Variants in B3GALT5 observed in about 807,000 individuals in gnomAD.
B3GALT5 encodes beta-1,3-galactosyltransferase 5.
For synonymous variants in B3GALT5, 156 were observed against 158.6 expected (o/e 0.98, Z 0.12); for missense variants, 328 against 396.6 (o/e 0.83, Z 1.47).
chr21:39,629,567 T>C (rs914487698), intron 1 of B3GALT5, among the ~76,000 whole-genome samples: 3 of 152,216 alleles, frequency 2.0e-5, no homozygotes, highest in Admixed American at 6.5e-5. Flanking sequence ...GAATTTGTTT[T>C]CTAAATTCTT....
At chr21:39,645,829 A>T (rs2079332897) in intron 1 of B3GALT5, among the ~76,000 whole-genome samples, 1 of 152,068 alleles carries the variant, frequency 6.6e-6, no homozygotes, top group African/African-American at 2.4e-5. Flanking sequence ...CCTGTTAGCC[A>T]AACTGTCCCG....
chr21:39,630,348 A>C (rs1443347286), intron 1 of B3GALT5: 2 of 152,134 alleles, frequency 1.3e-5, no homozygotes, highest in Non-Finnish European at 2.9e-5. Context: ...CAGATTCTGC[A>C]AGAAACCCAA....
chr21:39,636,710 A>C (rs1488490721), intron 1 of B3GALT5, among the ~76,000 whole-genome samples: 2 of 152,026 alleles, frequency 1.3e-5, no homozygotes, highest in Admixed American at 6.6e-5. Flanking sequence ...GGATCCTGGG[A>C]CTGGAAAGGA....
chr21:39,648,627 A>T (rs188926163), intron 2 of B3GALT5, among the ~76,000 whole-genome samples: 1 of 152,050 alleles, frequency 6.6e-6, no homozygotes, highest in Non-Finnish European at 1.5e-5. Context: ...CCCCATGGCC[A>T]CTCCCCATGA....
chr21:39,651,089 C>T lies in B3GALT5; in HGVS notation c.-161+4467C>T, dbSNP rs142837915. 2.4e-3 allele frequency among the ~76,000 whole-genome samples: 362 copies of T among 152,232 alleles called. 1 individual carries two copies. The highest frequency in any genetic ancestry group is 3.4e-3 in the Middle Eastern group (1 of 294). On this transcript the variant is annotated intron_variant, in intron 2 of 3. Coordinates refer to ENST00000684187, the MANE Select transcript of B3GALT5 (RefSeq NM_001356336.2). ...GACGGTCACTCAGCTCAGGAGTCCTCGCTATGTGAGCCTGTCCACCACTAT... is the reference window on the plus strand; with the variant it reads ...GACGGTCACTCAGCTCAGGAGTCCTTGCTATGTGAGCCTGTCCACCACTAT...
chr21:39,637,462 C>T (rs949661552), intron 1 of B3GALT5, among the ~76,000 whole-genome samples: 10 of 152,258 alleles, frequency 6.6e-5, no homozygotes, highest in African/African-American at 1.9e-4. Context: ...TCATGTCAGT[C>T]AGCTAAGGCT....
At chr21:39,657,967 G>A (rs191612827) in intron 2 of B3GALT5, 1 of 1,203,462 alleles carries the variant, frequency 8.3e-7, no homozygotes, top group East Asian at 3.2e-5. Flanking sequence ...CTTGTGCTGA[G>A]GGCTTCTGCT....
chr21:39,647,463 T>C (rs1351370994), intron 2 of B3GALT5, among the ~76,000 whole-genome samples: 1 of 152,158 alleles, frequency 6.6e-6, no homozygotes, highest in Non-Finnish European at 1.5e-5. Context: ...CTCAGTCTCC[T>C]GAGTGGCTGG....
At chr21:39,644,619 G>A (rs112176606) in intron 1 of B3GALT5, among the ~76,000 whole-genome samples, 3 of 152,222 alleles carry the variant, frequency 2.0e-5, no homozygotes, top group East Asian at 1.9e-4. Context: ...AAACGATGGC[G>A]TGTATCCCTA....
intron 1 of B3GALT5, among the ~76,000 whole-genome samples, chr21:39,636,687 G>C (rs972296065): frequency 6.6e-6 from 1 of 152,064 alleles, no homozygotes; most frequent in Non-Finnish European, 1.5e-5. Context: ...GCTTCCTTCT[G>C]TACAGGATTG....
At chr21:39,643,914 T>A (rs1345198541) in intron 1 of B3GALT5, among the ~76,000 whole-genome samples, 1 of 152,200 alleles carries the variant, frequency 6.6e-6, no homozygotes, top group Non-Finnish European at 1.5e-5. Flanking sequence ...CTTGTGGAAG[T>A]GATTGACACT....
chr21:39,619,948 C>T (rs1025249033), intron 1 of B3GALT5, among the ~76,000 whole-genome samples: 1 of 152,154 alleles, frequency 6.6e-6, no homozygotes, highest in Non-Finnish European at 1.5e-5. Flanking sequence ...GCTGGGATTA[C>T]AGGCGTGTGC....
chr21:39,650,689 G>A (rs1312361416), intron 2 of B3GALT5, among the ~76,000 whole-genome samples: 1 of 152,134 alleles, frequency 6.6e-6, no homozygotes, highest in Non-Finnish European at 1.5e-5. Flanking sequence ...GTGCTCTCCT[G>A]TGGCTCTGGT....
chr21:39,636,103 A>G (rs959128446), intron 1 of B3GALT5, among the ~76,000 whole-genome samples: 30 of 152,192 alleles, frequency 2.0e-4, no homozygotes, highest in African/African-American at 6.5e-4. Flanking sequence ...AATGTTTACT[A>G]TCGGGCAATT....
chr21:39,645,977 G>T (rs1004939877), intron 1 of B3GALT5, among the ~76,000 whole-genome samples: 4 of 150,570 alleles, frequency 2.7e-5, no homozygotes, highest in Non-Finnish European at 5.9e-5. Flanking sequence ...AGCACAGGTG[G>T]GATATCTCGG....
Position 39,660,755 on chromosome 21 carries a change from TC to T in B3GALT5, c.199del (p.His67ThrfsTer20). 2 of 1,551,430 alleles carry T rather than the reference TC, an allele frequency of 1.3e-6. No individual in the cohort carries two copies. ...PPFLVLLVTS[S>X]HKQLAERMAI... ...CTTCCTCGTCCTGCTGGTGACCTCA[TC>T]CCACAAACAGTTGGCTGAGCGCATG... is the stretch of plus-strand genomic sequence containing the variant. On this transcript the variant is annotated frameshift_variant, in exon 4 of 4. Coordinates refer to ENST00000684187, the MANE Select transcript of B3GALT5 (RefSeq NM_001356336.2). LOFTEE classifies it low-confidence loss of function (END_TRUNC).
At chr21:39,657,004 C>A (rs1221982192) in intron 2 of B3GALT5, among the ~76,000 whole-genome samples, 1 of 152,202 alleles carries the variant, frequency 6.6e-6, no homozygotes, top group East Asian at 1.9e-4. Context: ...GGGCGGGAGC[C>A]AGCAGATGGG....
rs2079580919 is a variant in B3GALT5, at chr21:39,666,667, T to G, written c.*5175T>G. ...GACCAGACCTCCTGACCCTTCAGCC[T>G]GCTGGCATCCACCATGCCTTAAAAA... On this transcript the variant is annotated 3_prime_UTR_variant, in exon 4 of 4. Coordinates refer to ENST00000684187, the MANE Select transcript of B3GALT5 (RefSeq NM_001356336.2). 2 of 152,378 alleles carry G rather than the reference T, an allele frequency of 1.3e-5. No individual in the cohort carries two copies. Among genetic ancestry groups the G allele is most frequent in the Admixed American group, 1.3e-4 (2 of 15,290 alleles). 9.4% of individuals were successfully genotyped at this position (152,378 alleles called of 1,614,324 possible).
chr21:39,623,470 A>G (rs1214469170), intron 1 of B3GALT5, among the ~76,000 whole-genome samples: 2 of 152,002 alleles, frequency 1.3e-5, no homozygotes, highest in African/African-American at 2.4e-5. Flanking sequence ...TTCTTGCTGA[A>G]CTACATTCAT....
Sources: allele counts gnomAD v4.1 joint callset (sites outside exome capture counted in the v4.1 genomes callset), GRCh38; gene constraint gnomAD v4.1.1; transcripts MANE v1.5; gene names NCBI Gene and HGNC (gene_info 2026-07-23, HGNC 2026-07-21).